Variants in IGHMBP2 observed in about 807,000 individuals in gnomAD.
IGHMBP2 encodes the protein immunoglobulin mu DNA binding protein 2.
In IGHMBP2, 81 loss-of-function variants were observed where a neutral mutation model predicts 96.0. The ratio of observed to expected loss-of-function variants is 0.84; its 90% CI spans 0.71 to 1.01. The LOEUF is 1.01. Ranked by LOEUF, IGHMBP2 falls within the 50% of genes least tolerant of loss-of-function variation. The probability of loss-of-function intolerance (pLI) is 0.00; values close to 1 mark genes in which losing one functional copy is unlikely to be tolerated. For missense variants in IGHMBP2, 1,227 were observed against 1,306.3 expected, an observed-to-expected ratio of 0.94 and a Z score of 0.94; for synonymous variants, 557 against 548.9, an observed-to-expected ratio of 1.01 and a Z score of -0.21.
At chr11:68,905,944 A>G in intron 1 of IGHMBP2, 125 bp from the exon 2 acceptor site, 1 of 978,738 alleles carries the variant, frequency 1.0e-6, no homozygotes, top group Admixed American at 1.7e-5. Flanking sequence ...TCGGAGTTCC[A>G]TTGGGACATA....
At chr11:68,910,700 G>T (rs138625249) in intron 4 of IGHMBP2, among the ~76,000 whole-genome samples, 1 of 152,092 alleles carries the variant, frequency 6.6e-6, no homozygotes, top group African/African-American at 2.4e-5. Flanking sequence ...TGGCCAACAC[G>T]GTGAATCCCC....
At position 68,906,058 on chromosome 11, in the gene IGHMBP2, G is replaced by C. The variant is rs371158900; in HGVS notation, c.87-11G>C. 35 of 1,613,668 alleles carry C rather than the reference G, an allele frequency of 2.2e-5. No homozygotes were observed. The African/African-American group carries it at 4.3e-4, about 20-fold the overall frequency. The stretch of plus-strand genomic sequence containing the variant: ...AAAAATCCTGAAGCATCAATACCGG[G>C]TGTCTTCCAGGTCCTGGCAGGAGAA... On this transcript the variant is annotated splice_polypyrimidine_tract_variant and intron_variant, in intron 1 of 14. Coordinates refer to ENST00000255078, the MANE Select transcript of IGHMBP2 (RefSeq NM_002180.3).
rs772813269 is a variant in IGHMBP2, at chr11:68,929,148, G to C, written c.1061-35G>C. ...GGCTGCGCTGTTGGGAAGCAGCTGT[G>C]CCCCTGGAGACTCCCGGCTCCCTGT... On this transcript the variant is annotated intron_variant, in intron 7 of 14. Coordinates refer to ENST00000255078, the MANE Select transcript of IGHMBP2 (RefSeq NM_002180.3). The C allele has an allele frequency of 2.8e-4, 456 of 1,603,926 alleles. 2 individuals carry two copies. Among genetic ancestry groups the C allele is most frequent in the South Asian group, 8.0e-4 (73 of 91,004 alleles).
At position 68,905,935 on chromosome 11, in the gene IGHMBP2, C is replaced by T. The variant is rs1367270202; in HGVS notation, c.87-134C>T. ...AGCGGGATTGGGAGTGGAGCCAATT[C>T]GGAGTTCCATTGGGACATATTTAGT... On this transcript the variant is annotated intron_variant, in intron 1 of 14. Transcript: ENST00000255078. 10 of 906,924 alleles carry T rather than the reference C, an allele frequency of 1.1e-5. No individual in the cohort carries two copies. The African/African-American group carries it at 1.5e-4, about 13-fold the overall frequency. The allele number at this position is 906,924 out of a possible 1,614,324, so 56.2% of individuals were successfully genotyped here. A position where few individuals can be genotyped will look rare whatever the true frequency, so the allele number is the denominator to read the frequency against.
intron 6 of IGHMBP2, 83 bp downstream of exon 6, chr11:68,915,106 T>A: frequency 9.2e-7 from 1 of 1,087,434 alleles, no homozygotes; most frequent in Middle Eastern, 2.9e-4. Context: ...CTGTCTGCAT[T>A]CCTCTTGACC....
chr11:68,903,947 G>A lies in IGHMBP2; in HGVS notation c.-6G>A, dbSNP rs1470519378. 1 of 1,576,130 alleles carries A rather than the reference G, an allele frequency of 6.3e-7. No homozygotes were observed. The highest frequency in any genetic ancestry group is 1.4e-5 in the African/African-American group (1 of 73,930). On this transcript the variant is annotated 5_prime_UTR_variant, in exon 1 of 15. Coordinates refer to ENST00000255078, the MANE Select transcript of IGHMBP2 (RefSeq NM_002180.3). ...CGGCTTCTAGGGGCCCAGGCCGGCGGCGGCGATGGCCTCGGCAGCTGTGGA... is the reference window on the plus strand; with the variant it reads ...CGGCTTCTAGGGGCCCAGGCCGGCGACGGCGATGGCCTCGGCAGCTGTGGA...
In IGHMBP2 at chr11:68,935,306, T is replaced by A. The variant is rs1859480984; in HGVS notation, c.1640T>A (p.Leu547Gln). Residue 547 changes from leucine (L) to glutamine (Q), a missense_variant, in exon 12 of 15, where the codon CTG becomes CAG. Physicochemically the swap from Leu to Gln is moderately radical, Grantham distance 113. Transcript: ENST00000255078. Reference protein sequence around the residue: ...VVSPYNLQVDLLRQSLVHRHP... With the variant: ...VVSPYNLQVDQLRQSLVHRHP... ...GCCCGGCTGGTGTTTCAGGTGGACC[T>A]GCTCAGACAGAGCCTTGTGCACAGG... 5 of 1,613,892 alleles carry A rather than the reference T, an allele frequency of 3.1e-6. No homozygotes were observed. Among genetic ancestry groups the A allele is most frequent in the Non-Finnish European group, 4.2e-6 (5 of 1,180,010 alleles).
rs867263911 is a variant in IGHMBP2 at position 68,915,167 on chromosome 11, T to C, written c.912+144T>C. 3.7e-3 allele frequency: 244 copies of C among 66,108 alleles called. 2 individuals are homozygous for C. Among genetic ancestry groups the C allele is most frequent in the African/African-American group, 0.016 (180 of 11,234 alleles). 4.1% of individuals were successfully genotyped at this position (66,108 alleles called of 1,614,324 possible). On this transcript the variant is annotated intron_variant, in intron 6 of 14. Transcript: ENST00000255078. ...AATAATTTTAAAAATTGGGCTGCCC[T>C]TTTTTTTTTTTTTTTTTTTTTTTTT... is the stretch of plus-strand genomic sequence containing the variant.
chr11:68,933,342 G>C lies in IGHMBP2; in HGVS notation c.1279G>C (p.Ala427Pro), dbSNP rs1594451196. Reference protein sequence around the residue: ...GLSLSLMERLAEEYGARVVRT... With the variant: ...GLSLSLMERLPEEYGARVVRT... ...GTCACTCAGCCTGATGGAACGCCTGGCTGAGGAGTACGGCGCGAGGGTGGT... is the reference window on the plus strand; with the variant it reads ...GTCACTCAGCCTGATGGAACGCCTGCCTGAGGAGTACGGCGCGAGGGTGGT... The change falls in exon 9 of 15, where the codon GCT (alanine) becomes CCT (proline). Residue 427 changes from alanine to proline, a missense_variant. By Grantham distance (27) the Ala-to-Pro change is conservative (BLOSUM62 -1). This residue lies in a region of IGHMBP2 where 703 missense variants were observed against 770.3 expected (regional missense o/e 0.91). Transcript: ENST00000255078. 6.2e-7 allele frequency: 1 copy of C among 1,613,198 alleles called. No individual in the cohort carries two copies. Among genetic ancestry groups the C allele is most frequent in the Non-Finnish European group, 8.5e-7 (1 of 1,179,922 alleles).
At chr11:68,916,680 T>C (rs558122128) in intron 6 of IGHMBP2, among the ~76,000 whole-genome samples, 1 of 152,120 alleles carries the variant, frequency 6.6e-6, no homozygotes, top group Non-Finnish European at 1.5e-5. Context: ...AGCCAGTCTT[T>C]GCTATGGGCC....
chr11:68,913,662 T>C (rs1341294546), intron 5 of IGHMBP2, among the ~76,000 whole-genome samples: 1 of 152,070 alleles, frequency 6.6e-6, no homozygotes, highest in Non-Finnish European at 1.5e-5. Context: ...CTCATGTCTG[T>C]TATCCTAGCG....
rs1333262915 is a variant in IGHMBP2 at position 68,903,962 on chromosome 11, G to A, written c.10G>A (p.Ala4Thr). The change falls in exon 1 of 15, where the codon GCA becomes ACA. Residue 4 changes from alanine (A) to threonine (T), a missense_variant. Ala to Thr is a moderately conservative substitution (Grantham distance 58, BLOSUM62 0). Around this residue, in one of 3 missense-constraint regions of IGHMBP2, gnomAD observed 507 missense variants for 496.9 expected, o/e 1.02. Transcript: ENST00000255078. MAS[A>T]AVESFVTKQL... ...CAGGCCGGCGGCGGCGATGGCCTCG[G>A]CAGCTGTGGAGAGCTTCGTGACCAA... 1 of 1,563,258 alleles carries A rather than the reference G, an allele frequency of 6.4e-7. No individual in the cohort carries two copies. Among genetic ancestry groups the A allele is most frequent in the Non-Finnish European group, 8.7e-7 (1 of 1,153,908 alleles).
rs1858180968 is a variant in IGHMBP2, at chr11:68,906,122, T to G, written c.140T>G (p.Leu47Trp). ...LKELQSRGVC[L>W]LKLQVSSQRT... ...GAGCTCCAGAGCCGAGGCGTGTGTT[T>G]GCTGAAGCTGCAGGTATCCAGCCAG... The change falls in exon 2 of 15, where the codon TTG (leucine) becomes TGG (tryptophan). Residue 47 changes from leucine to tryptophan, a missense_variant. This residue lies in a region of IGHMBP2 where 507 missense variants were observed against 496.9 expected (regional missense o/e 1.02). Transcript: ENST00000255078. 6.2e-7 allele frequency: 1 copy of G among 1,614,108 alleles called. No homozygotes were observed. The highest frequency in any genetic ancestry group is 1.7e-5 in the Admixed American group (1 of 60,004).
chr11:68,934,336 C>T, intron 10 of IGHMBP2, 128 bp from the exon 11 acceptor site: 1 of 733,352 alleles, frequency 1.4e-6, no homozygotes. Flanking sequence ...TGATTAGCTC[C>T]CAGGAAGCCA....
chr11:68,927,443 A>C (rs1215141353), intron 7 of IGHMBP2, among the ~76,000 whole-genome samples: 6 of 151,952 alleles, frequency 3.9e-5, no homozygotes, highest in African/African-American at 1.2e-4. Flanking sequence ...GCTGTTTGTG[A>C]CTCTCAGCTT....
At chr11:68,934,420 TG>T in intron 10 of IGHMBP2, 43 bp from the exon 11 acceptor site, 1 of 1,445,382 alleles carries the variant, frequency 6.9e-7, no homozygotes, top group Non-Finnish European at 9.6e-7. Flanking sequence ...GATGCCCACT[TG>T]GGGCGACCTT....
At chr11:68,930,363 G>A (rs1162758901) in intron 8 of IGHMBP2, 2 of 1,289,816 alleles carry the variant, frequency 1.6e-6, no homozygotes, top group Non-Finnish European at 2.0e-6. Context: ...CCGAGGACCG[G>A]AAGAAGATGT....
intron 7 of IGHMBP2, among the ~76,000 whole-genome samples, chr11:68,927,400 G>A (rs2154008136): frequency 6.6e-6 from 1 of 152,320 alleles, no homozygotes; most frequent in African/African-American, 2.4e-5. Flanking sequence ...GGCTCTGTGT[G>A]TGTGCTTGGG....
In IGHMBP2 at chr11:68,939,708, C is replaced by G. The variant is rs1440519538; in HGVS notation, c.2959C>G (p.Arg987Gly). ...LSELSNQRTSRRKERGT is the reference protein window; with the variant it reads ...LSELSNQRTSGRKERGT The stretch of plus-strand genomic sequence containing the variant: ...TGAGCTCAGCAACCAGAGGACCAGC[C>G]GGAGGAAGGAGAGGGGGACGTGACC... Residue 987 changes from arginine (R) to glycine (G), a missense_variant, in exon 15 of 15, where the codon CGG becomes GGG. By Grantham distance (125) the Arg-to-Gly change is moderately radical. Around this residue, in one of 3 missense-constraint regions of IGHMBP2, gnomAD observed 703 missense variants for 770.3 expected, o/e 0.91. Transcript: ENST00000255078. 1.2e-6 allele frequency: 2 copies of G among 1,611,370 alleles called. No individual in the cohort carries two copies. The highest frequency in any genetic ancestry group is 1.3e-5 in the African/African-American group (1 of 75,014).
Sources: gnomAD v4.1 joint callset for allele counts (sites outside exome capture counted in the v4.1 genomes callset) on GRCh38, gnomAD v4.1.1 for gene constraint, gnomAD v4.1.1 regional missense constraint, MANE v1.5 for transcripts, NCBI Gene and HGNC (gene_info 2026-07-23, HGNC 2026-07-21) for gene names.